The following RPRD1A variants were observed in gnomAD, a reference collection of about 807,000 sequenced individuals.
RPRD1A encodes regulation of nuclear pre-mRNA domain containing 1A, also known as regulation of nuclear pre-mRNA domain-containing protein 1A.
A neutral mutation model predicts 37.8 loss-of-function variants in RPRD1A; 9 were observed. That is an observed-to-expected ratio of 0.24 (90% confidence interval 0.14 to 0.42). The LOEUF (loss-of-function observed/expected upper bound fraction) is 0.42. RPRD1A is among the 10% of genes least tolerant of loss of function. The probability of loss-of-function intolerance (pLI) is 1.00; values close to 1 mark genes in which losing one functional copy is unlikely to be tolerated. For synonymous variants in RPRD1A, 138 were observed against 139.7 expected (o/e 0.99, Z 0.08); for missense variants, 255 against 371.0 (o/e 0.69, Z 2.57).
At position 36,026,878 on chromosome 18, in the gene RPRD1A, AAAG is replaced by A; in HGVS notation, c.789+19_789+21del. On this transcript the variant is annotated intron_variant, in intron 6 of 6. Transcript: ENST00000399022. ...AAAGAGAATTAAATAAATAAGCACT[AAAG>A]AAGAAAAAGGTTACGCACTTCCAAT... 2 of 1,592,914 alleles carry A rather than the reference AAAG, an allele frequency of 1.3e-6. No homozygotes were observed. The highest frequency in any genetic ancestry group is 4.5e-5 in the East Asian group (2 of 44,756).
chr18:36,013,901 A>G (rs1253040495), intron 6 of RPRD1A, among the ~76,000 whole-genome samples: 1 of 152,186 alleles, frequency 6.6e-6, no homozygotes, highest in African/African-American at 2.4e-5. Flanking sequence ...TCCTATAAAC[A>G]AAACAGGTCC....
intron 1 of RPRD1A, among the ~76,000 whole-genome samples, chr18:36,051,891 AAG>A (rs897854666): frequency 8.5e-5 from 13 of 152,184 alleles, no homozygotes; most frequent in African/African-American, 3.1e-4. Context: ...AAAGAAAAGC[AAG>A]AGAGAGGGAT....
rs185273237 is a variant in RPRD1A at position 36,032,863 on chromosome 18, G to A, written c.281+845C>T. Among the ~76,000 whole-genome samples, 21 of 152,200 alleles carry A rather than the reference G, an allele frequency of 1.4e-4. 1 individual carries two copies. Among genetic ancestry groups the A allele is most frequent in the African/African-American group, 4.6e-4 (19 of 41,506 alleles). Reference sequence around the variant, plus strand: ...ACAGTGAGTCTGAAATGTTTGAGACGCATACAAGTAAAAATGTCAAAAGGC... The same window carrying A: ...ACAGTGAGTCTGAAATGTTTGAGACACATACAAGTAAAAATGTCAAAAGGC... On this transcript the variant is annotated intron_variant, in intron 2 of 6. Transcript: ENST00000399022.
At chr18:36,039,272 AAT>A (rs1475214721) in intron 1 of RPRD1A, among the ~76,000 whole-genome samples, 1 of 152,180 alleles carries the variant, frequency 6.6e-6, no homozygotes, top group African/African-American at 2.4e-5. Context: ...GAGTCAATTA[AAT>A]TTCTTTTCTT....
intron 1 of RPRD1A, among the ~76,000 whole-genome samples, chr18:36,048,757 A>G (rs1323134581): frequency 2.0e-5 from 3 of 152,174 alleles, no homozygotes; most frequent in African/African-American, 7.2e-5. Context: ...CTTATTACAC[A>G]TGGTGCTGGA....
intron 6 of RPRD1A, among the ~76,000 whole-genome samples, chr18:36,008,213 T>C (rs945602204): frequency 6.6e-6 from 1 of 152,120 alleles, no homozygotes; most frequent in Non-Finnish European, 1.5e-5. Context: ...ATTTTAATAA[T>C]TTACCTAAGA....
At chr18:36,028,849 A>G (rs905735714) in intron 4 of RPRD1A, among the ~76,000 whole-genome samples, 3 of 152,244 alleles carry the variant, frequency 2.0e-5, no homozygotes, top group African/African-American at 4.8e-5. Context: ...AAAGAGCAAC[A>G]GCATTTTACA....
chr18:36,054,806 C>T (rs1248728950), intron 1 of RPRD1A, among the ~76,000 whole-genome samples: 3 of 151,476 alleles, frequency 2.0e-5, no homozygotes, highest in African/African-American at 7.3e-5. Flanking sequence ...AAACTGGAGA[C>T]CTGGAAGAGC....
At chr18:36,020,162 C>T (rs544858045) in intron 6 of RPRD1A, among the ~76,000 whole-genome samples, 3 of 152,240 alleles carry the variant, frequency 2.0e-5, no homozygotes, top group South Asian at 2.1e-4. Context: ...GGATATGTTC[C>T]GGACTTTGCA....
chr18:36,013,184 C>T (rs74906718), intron 6 of RPRD1A, among the ~76,000 whole-genome samples: 8,609 of 152,192 alleles, frequency 0.057, 293 homozygotes, highest in Non-Finnish European at 0.082. Flanking sequence ...GCCAAGCAAA[C>T]ACAATGATAA....
intron 1 of RPRD1A, among the ~76,000 whole-genome samples, chr18:36,035,881 A>G (rs182579099): frequency 6.6e-6 from 1 of 152,272 alleles, no homozygotes; most frequent in Admixed American, 6.5e-5. Context: ...TATTGGAGGT[A>G]CTCAAATTCA....
chr18:36,008,845 C>A (rs1230785295), intron 6 of RPRD1A, among the ~76,000 whole-genome samples: 1 of 151,790 alleles, frequency 6.6e-6, no homozygotes, highest in Non-Finnish European at 1.5e-5. Context: ...CATTTCACAG[C>A]CATTATGGTT....
intron 2 of RPRD1A, among the ~76,000 whole-genome samples, chr18:36,031,344 AAGTTTT>A (rs57694325): frequency 0.038 from 5,725 of 152,198 alleles, 372 homozygotes; most frequent in African/African-American, 0.13. Flanking sequence ...TAAACTGTAA[AAGTTTT>A]AGTACTGGCT....
At chr18:35,994,375 C>A (rs542377754) in intron 6 of RPRD1A, among the ~76,000 whole-genome samples, 1 of 152,230 alleles carries the variant, frequency 6.6e-6, no homozygotes, top group East Asian at 1.9e-4. Flanking sequence ...AGGGCCTGAA[C>A]CGAACCAAAC....
intron 6 of RPRD1A, among the ~76,000 whole-genome samples, chr18:36,016,164 C>G (rs1485371608): frequency 6.6e-6 from 1 of 152,192 alleles, no homozygotes; most frequent in Non-Finnish European, 1.5e-5. Context: ...GAATTTACAT[C>G]AACAATATGT....
At chr18:36,066,646 G>A (rs549831268) in intron 1 of RPRD1A, among the ~76,000 whole-genome samples, 46 of 152,308 alleles carry the variant, frequency 3.0e-4, no homozygotes, top group Admixed American at 5.9e-4. Context: ...TATAATCATA[G>A]AATAGGAAAG....
At chr18:36,029,234 A>G (rs1286960817) in intron 4 of RPRD1A, among the ~76,000 whole-genome samples, 1 of 152,100 alleles carries the variant, frequency 6.6e-6, no homozygotes, top group African/African-American at 2.4e-5. Context: ...ACTAATATAA[A>G]TCCACAGTTA....
chr18:36,009,090 G>A (rs1380172621), intron 6 of RPRD1A, among the ~76,000 whole-genome samples: 3 of 152,012 alleles, frequency 2.0e-5, no homozygotes, highest in Non-Finnish European at 4.4e-5. Flanking sequence ...CCTAGGGGAA[G>A]TTCTTCCCTT....
intron 6 of RPRD1A, among the ~76,000 whole-genome samples, chr18:36,000,401 A>C (rs1343854001): frequency 6.6e-6 from 1 of 152,204 alleles, no homozygotes; most frequent in African/African-American, 2.4e-5. Context: ...TCATCTAACG[A>C]ACTGTCTCAC....
Sources: allele counts gnomAD v4.1 joint callset (sites outside exome capture counted in the v4.1 genomes callset), GRCh38; gene constraint gnomAD v4.1.1; transcripts MANE v1.5; gene names NCBI Gene and HGNC (gene_info 2026-07-23, HGNC 2026-07-21).